Variants in RASSF6 observed in about 807,000 individuals in gnomAD.
The protein encoded by RASSF6 is Ras association domain family member 6, also known as ras association domain-containing protein 6.
In RASSF6, 52 loss-of-function variants were observed where a neutral mutation model predicts 44.0. That is an observed-to-expected ratio of 1.18 (90% CI 0.95 to 1.49). The LOEUF (loss-of-function observed/expected upper bound fraction) is 1.49. Ranked by LOEUF, RASSF6 falls within the 40% of genes most tolerant of loss-of-function variation. The probability of loss-of-function intolerance (pLI) is 0.00; values close to 1 mark genes in which losing one functional copy is unlikely to be tolerated. For synonymous variants in RASSF6, 162 were observed against 124.6 expected (o/e 1.30, Z -2.00); for missense variants, 464 against 393.3 (o/e 1.18, Z -1.52).
Position 73,573,804 on chromosome 4 carries a change from T to G in RASSF6, c.*2431A>C, listed in dbSNP as rs2149358755. 6.6e-6 allele frequency: 1 copy of G among 152,354 alleles called. No homozygotes were observed. Among genetic ancestry groups the G allele is most frequent in the East Asian group, 1.9e-4 (1 of 5,186 alleles). The allele number at this position is 152,354 out of a possible 1,614,324, so 9.4% of individuals were successfully genotyped here. Reference sequence around the variant, plus strand: ...CTGTCTCTCAGCTCCACATTCACTGTTGGTTGCCCGCTCCGTGAAAATAGA... The same window carrying G: ...CTGTCTCTCAGCTCCACATTCACTGGTGGTTGCCCGCTCCGTGAAAATAGA... On this transcript the variant is annotated 3_prime_UTR_variant, in exon 11 of 11. Transcript: ENST00000307439.
chr4:73,580,129 T>G (rs938852454), intron 8 of RASSF6, among the ~76,000 whole-genome samples: 1 of 150,616 alleles, frequency 6.6e-6, no homozygotes, highest in African/African-American at 2.4e-5. Context: ...GGTGTTTGGT[T>G]TTTTGTTCTT....
chr4:73,617,715 G>A (rs111665460), intron 1 of RASSF6, among the ~76,000 whole-genome samples: 225 of 152,226 alleles, frequency 1.5e-3, no homozygotes, highest in African/African-American at 5.1e-3. Context: ...AGTTAAGTTT[G>A]GTTGTTGAGA....
At chr4:73,592,442 G>A (rs1180594474) in intron 4 of RASSF6, among the ~76,000 whole-genome samples, 2 of 152,152 alleles carry the variant, frequency 1.3e-5, no homozygotes, top group Non-Finnish European at 2.9e-5. Context: ...ACAGTGGGTT[G>A]AGCTGGAGAG....
At chr4:73,580,060 C>G (rs1266954344) in intron 8 of RASSF6, among the ~76,000 whole-genome samples, 1 of 126,634 alleles carries the variant, frequency 7.9e-6, no homozygotes, top group Admixed American at 9.5e-5. Context: ...GTGTGATGTT[C>G]CCCTTCCTGT....
rs59463389 is a variant in RASSF6, at chr4:73,615,178, C to CAAAAA, written c.-34-3354_-34-3350dup. Among the ~76,000 whole-genome samples, 455 of 74,536 alleles carry CAAAAA rather than the reference C, an allele frequency of 6.1e-3. 9 individuals carry two copies. The highest frequency in any genetic ancestry group is 0.011 in the African/African-American group (227 of 20,108). The allele number at this position is 74,536 out of a possible 152,430, so 48.9% of individuals were successfully genotyped here. ...TGGGTGATAGAGTGTGACTCTGTCT[C>CAAAAA]AAAAAAAAAAAAAAAAAAAGAGCAA... is the stretch of plus-strand genomic sequence containing the variant. On this transcript the variant is annotated intron_variant, in intron 1 of 10. Coordinates refer to ENST00000307439, the MANE Select transcript of RASSF6 (RefSeq NM_177532.5).
At chr4:73,612,534 C>G (rs1726094499) in intron 1 of RASSF6, among the ~76,000 whole-genome samples, 1 of 145,536 alleles carries the variant, frequency 6.9e-6, no homozygotes, top group Admixed American at 6.9e-5. Flanking sequence ...TGGATTTCCT[C>G]CTTTTCCTTT....
chr4:73,617,823 A>C (rs1726456597), intron 1 of RASSF6, among the ~76,000 whole-genome samples: 2 of 152,236 alleles, frequency 1.3e-5, no homozygotes, highest in South Asian at 4.1e-4. Flanking sequence ...ATGTGAAAGG[A>C]AAATATTCAG....
At chr4:73,591,959 C>A (rs930896772) in intron 4 of RASSF6, among the ~76,000 whole-genome samples, 6 of 151,394 alleles carry the variant, frequency 4.0e-5, no homozygotes, top group African/African-American at 1.5e-4. Context: ...CAATTGACTG[C>A]ATGTGTGTCA....
intron 1 of RASSF6, among the ~76,000 whole-genome samples, chr4:73,618,181 T>G (rs936423012): frequency 9.9e-5 from 15 of 151,568 alleles, no homozygotes; most frequent in Non-Finnish European, 2.2e-4. Flanking sequence ...TTTTCTCTCT[T>G]TCTCTCTCTC....
chr4:73,615,315 C>T (rs1489371297), intron 1 of RASSF6, among the ~76,000 whole-genome samples: 2 of 151,794 alleles, frequency 1.3e-5, no homozygotes, highest in Non-Finnish European at 2.9e-5. Flanking sequence ...AAACTAAAAC[C>T]TGCTAGGGCC....
intron 1 of RASSF6, among the ~76,000 whole-genome samples, chr4:73,612,176 C>T (rs1726060573): frequency 6.6e-6 from 1 of 152,152 alleles, no homozygotes; most frequent in Non-Finnish European, 1.5e-5. Context: ...TTGCCCCAAT[C>T]AGCAGAAGAC....
chr4:73,599,988 G>T (rs1276009536), intron 2 of RASSF6, among the ~76,000 whole-genome samples: 3 of 151,808 alleles, frequency 2.0e-5, no homozygotes, highest in Non-Finnish European at 4.4e-5. Flanking sequence ...TGATCCCTCT[G>T]CCCAGAATGA....
intron 4 of RASSF6, among the ~76,000 whole-genome samples, chr4:73,590,022 G>C (rs1330635737): frequency 6.6e-6 from 1 of 152,114 alleles, no homozygotes; most frequent in African/African-American, 2.4e-5. Flanking sequence ...AGTTTTGAAA[G>C]ATATTAAAAA....
rs1723707582 is a variant in RASSF6, at chr4:73,582,202, AG to A, written c.655del (p.Leu219SerfsTer27). 6.5e-7 allele frequency: 1 copy of A among 1,548,534 alleles called. No homozygotes were observed. The highest frequency in any genetic ancestry group is 1.2e-5 in the South Asian group (1 of 85,694). On this transcript the variant is annotated frameshift_variant, in exon 7 of 11. Transcript: ENST00000307439. LOFTEE classifies it high-confidence loss of function. Reference sequence around the variant, plus strand: ...GATAAAGGTTACCTTAAATTTTTGGAGAAGTTGCTTTATTACTTCTTCAGTT... The same window carrying A: ...GATAAAGGTTACCTTAAATTTTTGGAAAGTTGCTTTATTACTTCTTCAGTT... ...MRTEEVIKQL[L>X]QKFKIENSPQ...
At chr4:73,584,783 A>G (rs16849659) in intron 6 of RASSF6, among the ~76,000 whole-genome samples, 42,366 of 151,834 alleles carry the variant, frequency 0.28, 6,136 homozygotes, top group Admixed American at 0.41. Context: ...TGTTTTTAAT[A>G]CTTGGCACAG....
At chr4:73,605,638 T>G (rs1399152328) in intron 2 of RASSF6, among the ~76,000 whole-genome samples, 6 of 152,350 alleles carry the variant, frequency 3.9e-5, no homozygotes, top group African/African-American at 1.2e-4. Context: ...GTCTGGAAAC[T>G]GAGAAATTTG....
At chr4:73,614,777 C>T (rs1379405572) in intron 1 of RASSF6, among the ~76,000 whole-genome samples, 5 of 152,076 alleles carry the variant, frequency 3.3e-5, no homozygotes, top group African/African-American at 1.2e-4. Flanking sequence ...GAAAGGGTTT[C>T]CAAGGCTCTT....
chr4:73,600,401 CCAA>C (rs1725203594), intron 2 of RASSF6, among the ~76,000 whole-genome samples: 1 of 151,636 alleles, frequency 6.6e-6, no homozygotes, highest in African/African-American at 2.4e-5. Context: ...AAAAAAAGAC[CCAA>C]CAAGTCATGA....
chr4:73,579,426 G>C (rs1723459806), intron 8 of RASSF6, among the ~76,000 whole-genome samples: 1 of 152,150 alleles, frequency 6.6e-6, no homozygotes, highest in Non-Finnish European at 1.5e-5. Flanking sequence ...TTTTTACCCT[G>C]ATGCATGCCA....
Sources: gnomAD v4.1 joint callset for allele counts (sites outside exome capture counted in the v4.1 genomes callset) on GRCh38, gnomAD v4.1.1 for gene constraint, MANE v1.5 for transcripts, NCBI Gene and HGNC (gene_info 2026-07-23, HGNC 2026-07-21) for gene names.